TOMM6: variants seen among roughly 807,000 people sequenced by gnomAD.
TOMM6 encodes the protein mitochondrial import receptor subunit TOM6 homolog.
A neutral mutation model predicts 6.0 loss-of-function variants in TOMM6; 6 were observed. The observed-to-expected ratio is 1.00, with a 90% confidence interval of 0.55 to 1.98. The LOEUF is 1.98. Ranked by LOEUF, TOMM6 falls within the 30% of genes most tolerant of loss-of-function variation. The probability of loss-of-function intolerance (pLI) is 0.00; values close to 1 mark genes in which losing one functional copy is unlikely to be tolerated. For synonymous variants in TOMM6, 44 were observed against 36.3 expected, an observed-to-expected ratio of 1.21 and a Z score of -0.76; for missense variants, 104 against 95.3, an observed-to-expected ratio of 1.09 and a Z score of -0.38.
intron 1 of TOMM6, among the ~76,000 whole-genome samples, chr6:41,788,492 G>C (rs565957758): frequency 9.2e-6 from 1 of 108,290 alleles, no homozygotes; most frequent in Non-Finnish European, 1.7e-5. Context: ...TCACTCTGTC[G>C]CCCAGGCTGG....
chr6:41,788,168 G>C (rs1772716315), intron 1 of TOMM6, among the ~76,000 whole-genome samples: 1 of 140,860 alleles, frequency 7.1e-6, no homozygotes, highest in Admixed American at 7.6e-5. Context: ...TTTTTGAGAC[G>C]GAGTCTCACT....
In TOMM6 at chr6:41,789,308, G is replaced by A; in HGVS notation, c.205G>A (p.Ala69Thr). 6.4e-7 allele frequency: 1 copy of A among 1,551,682 alleles called. No individual in the cohort carries two copies. The highest frequency in any genetic ancestry group is 8.7e-7 in the Non-Finnish European group (1 of 1,146,978). ...GAACTTGAGTGACATTGACCTCATG[G>A]CACCTCAGCCAGGGGTGTAGCCAAG... is the stretch of plus-strand genomic sequence containing the variant. ...ARNLSDIDLM[A>T]PQPGV is the part of the protein sequence containing the mutation. The change falls in exon 2 of 3, where the codon GCA becomes ACA. Residue 69 changes from alanine (A) to threonine (T), a missense_variant. By Grantham distance (58) the Ala-to-Thr change is moderately conservative. Transcript: ENST00000398881.
chr6:41,789,257 T>C lies in TOMM6; in HGVS notation c.154T>C (p.Phe52Leu). ...GAACTTGATACTAAATTTGGGACTCTTTGCTGCGGGAGTTTGGCTGGCCAG... is the reference window on the plus strand; with the variant it reads ...GAACTTGATACTAAATTTGGGACTCCTTGCTGCGGGAGTTTGGCTGGCCAG... ...RRNLILNLGL[F>L]AAGVWLARNL... Residue 52 changes from phenylalanine to leucine, a missense_variant, in exon 2 of 3, where the codon TTT becomes CTT. By Grantham distance (22) the Phe-to-Leu change is conservative. Transcript: ENST00000398881. 1 of 1,551,296 alleles carries C rather than the reference T, an allele frequency of 6.4e-7. No homozygotes were observed. Among genetic ancestry groups the C allele is most frequent in the Non-Finnish European group, 8.7e-7 (1 of 1,146,972 alleles).
In TOMM6 at chr6:41,788,221, T is replaced by G. The variant is rs867620823; in HGVS notation, c.128+396T>G. On this transcript the variant is annotated intron_variant, in intron 1 of 2. Transcript: ENST00000398881. ...GTGCAGTGGCGCGATCTCGGCTCAC[T>G]GCAAGCTCCGCCTCCCGGGTTCACG... 2.7e-5 allele frequency among the ~76,000 whole-genome samples: 4 copies of G among 148,840 alleles called. No homozygotes were observed. The South Asian group carries it at 8.6e-4, about 32-fold the overall frequency.
At chr6:41,788,080 C>T (rs936274420) in intron 1 of TOMM6, among the ~76,000 whole-genome samples, 2 of 152,084 alleles carry the variant, frequency 1.3e-5, no homozygotes, top group African/African-American at 4.8e-5. Context: ...AGCACGTAAA[C>T]AGGCTTTTTC....
At chr6:41,788,753 A>G (rs977588547) in intron 1 of TOMM6, among the ~76,000 whole-genome samples, 1 of 142,320 alleles carries the variant, frequency 7.0e-6, no homozygotes, top group Non-Finnish European at 1.5e-5. Flanking sequence ...GCCCGGCCAC[A>G]TTTATTTCTT....
Position 41,787,832 on chromosome 6 carries a change from G to C in TOMM6, c.128+7G>C. The C allele has an allele frequency of 6.4e-7, 1 of 1,551,638 alleles. No individual in the cohort carries two copies. Among genetic ancestry groups the C allele is most frequent in the South Asian group, 1.2e-5 (1 of 84,062 alleles). On this transcript the variant is annotated splice_region_variant and intron_variant, in intron 1 of 2. Coordinates refer to ENST00000398881, the MANE Select transcript of TOMM6 (RefSeq NM_001382294.1). ...ATAGGAATGACTTCCGGAGGTAACC[G>C]AGCCCGAGGAACTTGGTCCTTTTCT...
At position 41,789,753 on chromosome 6, in the gene TOMM6, G is replaced by C. The variant is rs1330636766; in HGVS notation, c.*194G>C. On this transcript the variant is annotated 3_prime_UTR_variant, in exon 3 of 3. Transcript: ENST00000398881. ...ATTCCATTCTCTGGTCAGCAGACAG[G>C]CTTAAGCTAAAGTATTGCCTCTATT... 1.0e-5 allele frequency: 2 copies of C among 194,272 alleles called. No individual in the cohort carries two copies. Among genetic ancestry groups the C allele is most frequent in the Non-Finnish European group, 2.2e-5 (2 of 91,280 alleles). The allele number at this position is 194,272 out of a possible 1,614,324, so 12.0% of individuals were successfully genotyped here. A position where few individuals can be genotyped will look rare whatever the true frequency, so the allele number is the denominator to read the frequency against.
At chr6:41,789,153 C>G (rs1581982676) in intron 1 of TOMM6, 79 bp from the exon 2 acceptor site, 2 of 1,323,632 alleles carry the variant, frequency 1.5e-6, no homozygotes, top group East Asian at 5.0e-5. Flanking sequence ...GTGATGGAAG[C>G]CTTTCCCCCC....
rs1772757406 is a variant in TOMM6 at position 41,789,569 on chromosome 6, C to A, written c.*10C>A. 2.3e-6 allele frequency: 1 copy of A among 438,174 alleles called. No individual in the cohort carries two copies. Among genetic ancestry groups the A allele is most frequent in the South Asian group, 2.5e-5 (1 of 39,776 alleles). The allele number at this position is 438,174 out of a possible 1,614,324, so 27.1% of individuals were successfully genotyped here. A position where few individuals can be genotyped will look rare whatever the true frequency, so the allele number is the denominator to read the frequency against. On this transcript the variant is annotated splice_region_variant and 3_prime_UTR_variant, in exon 3 of 3. Coordinates refer to ENST00000398881, the MANE Select transcript of TOMM6 (RefSeq NM_001382294.1). ...TGTCGTCTTATCATCTGATTGCAGA[C>A]AAATGGAATCCTGTGCTGAACCCGA...
chr6:41,787,746 A>G lies in TOMM6; in HGVS notation c.49A>G (p.Thr17Ala), dbSNP rs1170453442. 1 of 1,549,502 alleles carries G rather than the reference A, an allele frequency of 6.5e-7. No individual in the cohort carries two copies. The highest frequency in any genetic ancestry group is 8.7e-7 in the Non-Finnish European group (1 of 1,146,334). ...GAGCGCTGCTGGCTCGGCTAATGAAACTCCCGAAATACCGGACAACGTGGG... is the reference window on the plus strand; with the variant it reads ...GAGCGCTGCTGGCTCGGCTAATGAAGCTCCCGAAATACCGGACAACGTGGG... ...PVSAAGSANE[T>A]PEIPDNVGDW... Residue 17 changes from threonine to alanine, a missense_variant, in exon 1 of 3, where the codon ACT (threonine) becomes GCT (alanine). Coordinates refer to ENST00000398881, the MANE Select transcript of TOMM6 (RefSeq NM_001382294.1).
At chr6:41,787,884 C>T (rs1262131003) in intron 1 of TOMM6, 59 bp downstream of exon 1, 1 of 1,533,060 alleles carries the variant, frequency 6.5e-7, no homozygotes, top group Non-Finnish European at 8.8e-7. Flanking sequence ...TTTCCCCTTT[C>T]TTGCGAGGCT....
chr6:41,788,049 C>T (rs945813116), intron 1 of TOMM6, among the ~76,000 whole-genome samples: 11 of 152,236 alleles, frequency 7.2e-5, no homozygotes, highest in African/African-American at 2.2e-4. Flanking sequence ...TAATGTCACC[C>T]TGATCAAGGG....
intron 2 of TOMM6, 98 bp downstream of exon 2, chr6:41,789,434 T>C: frequency 1.1e-6 from 1 of 939,328 alleles, no homozygotes; most frequent in South Asian, 1.4e-5. Context: ...CAAAAGAATG[T>C]GATGTAAAAC....
chr6:41,789,295 C>T lies in TOMM6; in HGVS notation c.192C>T (p.Asp64=), dbSNP rs757983293. ...TTTGGCTGGCCAGGAACTTGAGTGA[C>T]ATTGACCTCATGGCACCTCAGCCAG... The part of the protein sequence containing the change: ...AGVWLARNLS[D]IDLMAPQPGV The change falls in exon 2 of 3, where the codon GAC becomes GAT. Residue 64 remains aspartate (D), a synonymous_variant. Transcript: ENST00000398881. 1.3e-6 allele frequency: 2 copies of T among 1,551,642 alleles called. No homozygotes were observed. The highest frequency in any genetic ancestry group is 8.7e-7 in the Non-Finnish European group (1 of 1,146,984).
chr6:41,788,679 C>G (rs1274248547), intron 1 of TOMM6, among the ~76,000 whole-genome samples: 2 of 147,670 alleles, frequency 1.4e-5, no homozygotes, highest in Non-Finnish European at 3.0e-5. Flanking sequence ...TCTCAAACTC[C>G]TGACTTCTCG....
chr6:41,789,317 C>G lies in TOMM6; in HGVS notation c.214C>G (p.Pro72Ala). 2.6e-6 allele frequency: 4 copies of G among 1,551,668 alleles called. No homozygotes were observed. Among genetic ancestry groups the G allele is most frequent in the Non-Finnish European group, 3.5e-6 (4 of 1,146,976 alleles). Reference sequence around the variant, plus strand: ...TGACATTGACCTCATGGCACCTCAGCCAGGGGTGTAGCCAAGTAGGTAAGC... The same window carrying G: ...TGACATTGACCTCATGGCACCTCAGGCAGGGGTGTAGCCAAGTAGGTAAGC... ...LSDIDLMAPQPGV is the reference protein window; with the variant it reads ...LSDIDLMAPQAGV The change falls in exon 2 of 3, where the codon CCA (proline) becomes GCA (alanine). Residue 72 changes from proline to alanine, a missense_variant. Coordinates refer to ENST00000398881, the MANE Select transcript of TOMM6 (RefSeq NM_001382294.1).
intron 2 of TOMM6, 79 bp from the exon 3 acceptor site, chr6:41,789,489 A>G: frequency 1.6e-6 from 1 of 632,540 alleles, no homozygotes; most frequent in South Asian, 1.9e-5. Flanking sequence ...GTTGAAAGGG[A>G]TTTAAGTATC....
rs56669051 is a variant in TOMM6, at chr6:41,789,349, C to G, written c.*8+13C>G. On this transcript the variant is annotated intron_variant, in intron 2 of 2. Transcript: ENST00000398881. ...TGTAGCCAAGTAGGTAAGCACTGAACTACACCCATGCGTGTCTTAGGAGAC... is the reference window on the plus strand; with the variant it reads ...TGTAGCCAAGTAGGTAAGCACTGAAGTACACCCATGCGTGTCTTAGGAGAC... 2.0e-6 allele frequency: 3 copies of G among 1,535,582 alleles called. No homozygotes were observed. The East Asian group carries it at 7.3e-5, about 38-fold the overall frequency.
Sources: allele counts gnomAD v4.1 joint callset (sites outside exome capture counted in the v4.1 genomes callset), GRCh38; gene constraint gnomAD v4.1.1; transcripts MANE v1.5; gene names NCBI Gene and HGNC (gene_info 2026-07-23, HGNC 2026-07-21).